HDAC9: variants seen among roughly 807,000 people sequenced by gnomAD.
HDAC9 encodes histone deacetylase 9.
Under a neutral mutation model 139.4 loss-of-function variants are expected in HDAC9, and 41 were observed. The observed-to-expected ratio is 0.29, with a 90% CI of 0.23 to 0.38. HDAC9 has a LOEUF of 0.38. HDAC9 is among the 10% of genes least tolerant of loss of function. HDAC9 has a pLI of 1.00. For synonymous variants in HDAC9, 517 were observed against 476.2 expected (o/e 1.09, Z -1.12); for missense variants, 1,147 against 1,297.0 (o/e 0.88, Z 1.78).
At chr7:18,652,979 G>A (rs960878058) in intron 11 of HDAC9, among the ~76,000 whole-genome samples, 1 of 152,130 alleles carries the variant, frequency 6.6e-6, no homozygotes, top group African/African-American at 2.4e-5. Context: ...GCTCATGCCT[G>A]TAATCCCAGC....
At chr7:18,351,457 A>C (rs1782841999) in intron 1 of HDAC9, among the ~76,000 whole-genome samples, 1 of 152,188 alleles carries the variant, frequency 6.6e-6, no homozygotes, top group Non-Finnish European at 1.5e-5. Flanking sequence ...AAAATCCCCC[A>C]AAACAAAAAA....
chr7:18,809,962 A>G (rs1321397810), intron 17 of HDAC9, among the ~76,000 whole-genome samples: 1 of 152,018 alleles, frequency 6.6e-6, no homozygotes, highest in East Asian at 1.9e-4. Context: ...AGATACGGAA[A>G]AAACCTAAAT....
At chr7:18,319,158 A>T (rs1319679617) in intron 1 of HDAC9, among the ~76,000 whole-genome samples, 2 of 152,190 alleles carry the variant, frequency 1.3e-5, no homozygotes, top group African/African-American at 4.8e-5. Flanking sequence ...TGAAACAAAA[A>T]CACTTCGTGG....
chr7:18,348,861 T>C (rs1229404944), intron 1 of HDAC9, among the ~76,000 whole-genome samples: 1 of 152,198 alleles, frequency 6.6e-6, no homozygotes, highest in Non-Finnish European at 1.5e-5. Flanking sequence ...GCTTGTATTA[T>C]TTAATCTTCA....
At chr7:18,820,462 G>T (rs1021678514) in intron 17 of HDAC9, among the ~76,000 whole-genome samples, 3 of 152,154 alleles carry the variant, frequency 2.0e-5, no homozygotes, top group Non-Finnish European at 2.9e-5. Flanking sequence ...TCAAATCAAT[G>T]ATTTTATTCA....
chr7:18,323,600 G>GT (rs1800199696), intron 1 of HDAC9, among the ~76,000 whole-genome samples: 1 of 152,154 alleles, frequency 6.6e-6, no homozygotes, highest in Non-Finnish European at 1.5e-5. Flanking sequence ...TAGAGGCATT[G>GT]TATCTTTTAA....
At chr7:18,375,443 T>C (rs1320901272) in intron 1 of HDAC9, among the ~76,000 whole-genome samples, 4 of 151,778 alleles carry the variant, frequency 2.6e-5, no homozygotes, top group Non-Finnish European at 4.4e-5. Flanking sequence ...CGCTCCAGCC[T>C]GGGCGACGGA....
chr7:18,732,435 T>A (rs1786146860), intron 13 of HDAC9, among the ~76,000 whole-genome samples: 1 of 149,142 alleles, frequency 6.7e-6, no homozygotes, highest in Non-Finnish European at 1.5e-5. Flanking sequence ...TGTGTATGTG[T>A]CTATCTGAAA....
At chr7:18,367,276 C>A (rs1014572162) in intron 1 of HDAC9, among the ~76,000 whole-genome samples, 2 of 152,030 alleles carry the variant, frequency 1.3e-5, no homozygotes, top group Non-Finnish European at 2.9e-5. Flanking sequence ...ATGTACAAAT[C>A]AAGCTGGATG....
intron 22 of HDAC9, among the ~76,000 whole-genome samples, chr7:18,927,282 C>T (rs752986704): frequency 2.0e-5 from 3 of 152,096 alleles, no homozygotes; most frequent in Non-Finnish European, 4.4e-5. Flanking sequence ...ATTACAGCAC[C>T]ATGAGTCTTA....
At chr7:18,503,905 C>T (rs867130535) in intron 2 of HDAC9, among the ~76,000 whole-genome samples, 1 of 152,082 alleles carries the variant, frequency 6.6e-6, no homozygotes, top group Non-Finnish European at 1.5e-5. Flanking sequence ...ATGAGAATGT[C>T]ATGAAGTTGT....
chr7:18,204,783 T>A (rs1400522515), intron 2 of HDAC9, among the ~76,000 whole-genome samples: 7 of 152,044 alleles, frequency 4.6e-5, no homozygotes, highest in African/African-American at 1.7e-4. Context: ...GTATGTAACA[T>A]ACAAATCAAC....
chr7:18,902,000 T>G lies in HDAC9; in HGVS notation c.2803+27404T>G, dbSNP rs182043606. Among the ~76,000 whole-genome samples the G allele has an allele frequency of 3.3e-4, 51 of 152,318 alleles. No homozygotes were observed. The East Asian group carries it at 9.3e-3, about 28-fold the overall frequency. On this transcript the variant is annotated intron_variant, in intron 22 of 25. Transcript: ENST00000686413. ...AAAGTGGCAGAGGAAAAGTTACACA[T>G]GAAATTGCCCTAAAGTGTTTGGAAA... is the stretch of plus-strand genomic sequence containing the variant.
intron 14 of HDAC9, among the ~76,000 whole-genome samples, chr7:18,754,043 C>G (rs1457897464): frequency 1.3e-5 from 2 of 152,030 alleles, no homozygotes; most frequent in African/African-American, 4.8e-5. Context: ...CCAGAGAAAA[C>G]ATTAGTCCTC....
rs929462832 is a variant in HDAC9 at position 18,604,815 on chromosome 7, A to G, written c.664+10786A>G. On this transcript the variant is annotated intron_variant, in intron 6 of 25. Coordinates refer to ENST00000686413, the MANE Select transcript of HDAC9 (RefSeq NM_178425.4). Reference sequence around the variant, plus strand: ...ATCCATCTGTTGTTGCATGTTGCCAACTTCCCATTAGAACCCTTAACATAC... The same window carrying G: ...ATCCATCTGTTGTTGCATGTTGCCAGCTTCCCATTAGAACCCTTAACATAC... Among the ~76,000 whole-genome samples, 7 of 152,112 alleles carry G rather than the reference A, an allele frequency of 4.6e-5. 1 individual carries two copies. The highest frequency in any genetic ancestry group is 3.9e-4 in the Admixed American group (6 of 15,272).
chr7:18,360,467 C>A (rs560130556), intron 1 of HDAC9, among the ~76,000 whole-genome samples: 2 of 152,266 alleles, frequency 1.3e-5, no homozygotes, highest in African/African-American at 4.8e-5. Flanking sequence ...CCTACACTTT[C>A]TGAACATCTC....
intron 2 of HDAC9, among the ~76,000 whole-genome samples, chr7:18,526,476 A>T (rs1060644): frequency 3.9e-5 from 6 of 152,330 alleles, no homozygotes; most frequent in African/African-American, 1.2e-4. Flanking sequence ...ACATCTGAAG[A>T]TCCAGACTCT....
upstream of HDAC9, among the ~76,000 whole-genome samples, chr7:18,494,392 T>A (rs1796613846): frequency 6.6e-6 from 1 of 152,052 alleles, no homozygotes; most frequent in African/African-American, 2.4e-5. Flanking sequence ...CCCTCTTCCA[T>A]CGGATTGTTC....
At chr7:18,255,775 C>T (rs903431353) in intron 2 of HDAC9, among the ~76,000 whole-genome samples, 8 of 151,814 alleles carry the variant, frequency 5.3e-5, no homozygotes, top group African/African-American at 1.2e-4. Context: ...ATTACAGGCA[C>T]GCACCATCAC....
Sources: gnomAD v4.1 joint callset for allele counts (sites outside exome capture counted in the v4.1 genomes callset) on GRCh38, gnomAD v4.1.1 for gene constraint, MANE v1.5 for transcripts, NCBI Gene and HGNC (gene_info 2026-07-23, HGNC 2026-07-21) for gene names.